The following MICAL2 variants were observed in gnomAD, a reference collection of about 807,000 sequenced individuals.
MICAL2 encodes microtubule associated monooxygenase, calponin and LIM domain containing 2, also known as [F-actin]-monooxygenase MICAL2.
A neutral mutation model predicts 127.3 loss-of-function variants in MICAL2; 77 were observed. The ratio of observed to expected loss-of-function variants is 0.60; its 90% CI spans 0.50 to 0.73. The LOEUF (loss-of-function observed/expected upper bound fraction) is 0.73, where lower values mean the gene tolerates loss of function less well. Among genes scored for constraint, MICAL2 ranks in the 30% least tolerant of loss-of-function variants. MICAL2 has a pLI of 0.00. For missense variants in MICAL2, 1,351 were observed against 1,434.4 expected (o/e 0.94, Z 0.94); for synonymous variants, 570 against 551.1 (o/e 1.03, Z -0.48).
At chr11:12,348,799 GTGA>G (rs1938997438) in intron 32 of MICAL2, among the ~76,000 whole-genome samples, 2 of 152,144 alleles carry the variant, frequency 1.3e-5, no homozygotes, top group African/African-American at 4.8e-5. Flanking sequence ...CTATCAAGTG[GTGA>G]TGATAAGTGT....
chr11:12,112,558 G>C (rs1381708955), intron 1 of MICAL2, among the ~76,000 whole-genome samples: 1 of 151,606 alleles, frequency 6.6e-6, no homozygotes, highest in African/African-American at 2.4e-5. Flanking sequence ...GGGGTGGGGG[G>C]GCAGGTGTTG....
chr11:12,330,681 C>T (rs57977681), intron 32 of MICAL2, among the ~76,000 whole-genome samples: 4,557 of 151,952 alleles, frequency 0.03, 162 homozygotes, highest in Admixed American at 0.1. Flanking sequence ...GCTCTCCCGC[C>T]CCCGGGAAGG....
chr11:12,245,576 G>A (rs922819208), intron 21 of MICAL2, among the ~76,000 whole-genome samples: 1 of 152,204 alleles, frequency 6.6e-6, no homozygotes, highest in Non-Finnish European at 1.5e-5. Flanking sequence ...ACAGAGAAAC[G>A]CTAACAGGAT....
At chr11:12,217,730 C>T (rs1856364000) in intron 8 of MICAL2, among the ~76,000 whole-genome samples, 1 of 152,142 alleles carries the variant, frequency 6.6e-6, no homozygotes, top group Non-Finnish European at 1.5e-5. Context: ...AACTCGCTTC[C>T]CTGGCGGTTG....
At chr11:12,202,367 C>T (rs941011581) in intron 3 of MICAL2, among the ~76,000 whole-genome samples, 1 of 152,202 alleles carries the variant, frequency 6.6e-6, no homozygotes, top group Non-Finnish European at 1.5e-5. Context: ...CAGCTCTCCC[C>T]CTTTCAATCT....
chr11:12,350,718 A>C (rs1702834267), intron 33 of MICAL2, among the ~76,000 whole-genome samples: 1 of 152,242 alleles, frequency 6.6e-6, no homozygotes, highest in East Asian at 1.9e-4. Flanking sequence ...ATAATGGCTT[A>C]TATGATAATG....
chr11:12,282,228 C>T (rs1399693865), intron 2 of MICAL2, among the ~76,000 whole-genome samples: 2 of 152,174 alleles, frequency 1.3e-5, no homozygotes, highest in Non-Finnish European at 2.9e-5. Context: ...GACAGATTAT[C>T]ATCCAAACAC....
chr11:12,310,717 A>C (rs1026324239), intron 29 of MICAL2, among the ~76,000 whole-genome samples: 2 of 151,738 alleles, frequency 1.3e-5, no homozygotes, highest in African/African-American at 2.4e-5. Flanking sequence ...GAAGAATGTC[A>C]TTGGTATTTT....
intron 1 of MICAL2, among the ~76,000 whole-genome samples, chr11:12,116,170 G>C (rs1050165135): frequency 2.6e-5 from 4 of 151,658 alleles, no homozygotes; most frequent in African/African-American, 9.7e-5. Flanking sequence ...AGTAGAGACG[G>C]GGTTTCACTA....
Position 12,154,120 on chromosome 11 carries a change from G to A in MICAL2, c.-77-7959G>A, listed in dbSNP as rs185961056. 4.3e-3 allele frequency among the ~76,000 whole-genome samples: 659 copies of A among 152,338 alleles called. 4 individuals are homozygous for A. The highest frequency in any genetic ancestry group is 0.015 in the African/African-American group (627 of 41,574). ...AAGGCACCTGCTGCACTGGATGCAA[G>A]GGCCCTGTAGTCCCTCGGGAGTGGA... is the stretch of plus-strand genomic sequence containing the variant. On this transcript the variant is annotated intron_variant, in intron 2 of 27. Coordinates refer to ENST00000683283, the MANE Select transcript of MICAL2 (RefSeq NM_001282663.2).
intron 24 of MICAL2, 47 bp from the exon 25 acceptor site, chr11:12,258,421 G>A: frequency 6.8e-7 from 1 of 1,480,962 alleles, no homozygotes; most frequent in Non-Finnish European, 9.4e-7. Flanking sequence ...CTTAGCTCTA[G>A]TTTACAGGAG....
At chr11:12,136,880 G>T (rs563375036) in intron 1 of MICAL2, among the ~76,000 whole-genome samples, 56 of 152,284 alleles carry the variant, frequency 3.7e-4, no homozygotes, top group African/African-American at 1.3e-3. Context: ...CCGTGTCCCT[G>T]CTGCTGGTCT....
intron 3 of MICAL2, among the ~76,000 whole-genome samples, chr11:12,189,594 A>AC (rs1385647375): frequency 6.6e-6 from 1 of 152,020 alleles, no homozygotes; most frequent in Non-Finnish European, 1.5e-5. Context: ...TTATCTCACC[A>AC]CCCCCACTAC....
At chr11:12,305,139 A>G (rs541531794) in intron 29 of MICAL2, among the ~76,000 whole-genome samples, 5 of 152,192 alleles carry the variant, frequency 3.3e-5, no homozygotes, top group African/African-American at 9.6e-5. Context: ...TAAATATACT[A>G]CCCAAGACTG....
downstream of MICAL2, among the ~76,000 whole-genome samples, chr11:12,265,799 T>C (rs551452009): frequency 3.3e-5 from 5 of 152,058 alleles, no homozygotes; most frequent in South Asian, 1.0e-3. Flanking sequence ...TCCTACTTGG[T>C]TTTTAAAGGA....
chr11:12,146,490 TG>T (rs1166863106), intron 2 of MICAL2, among the ~76,000 whole-genome samples: 2 of 152,058 alleles, frequency 1.3e-5, no homozygotes, highest in African/African-American at 4.8e-5. Flanking sequence ...ATCAGAGAAA[TG>T]GAAATCAAAG....
intron 32 of MICAL2, among the ~76,000 whole-genome samples, chr11:12,346,539 C>T (rs7124235): frequency 2.0e-5 from 3 of 152,116 alleles, no homozygotes; most frequent in African/African-American, 4.8e-5. Flanking sequence ...AACAAATGTC[C>T]GTGAATGCCT....
At chr11:12,290,808 T>A (rs528800874), downstream of MICAL2, among the ~76,000 whole-genome samples, 33 of 152,284 alleles carry the variant, frequency 2.2e-4, no homozygotes, top group African/African-American at 7.7e-4. Flanking sequence ...GTCGCACATG[T>A]TCGCATTGAT....
chr11:12,219,812 C>A (rs1856615032), intron 8 of MICAL2, among the ~76,000 whole-genome samples: 1 of 152,210 alleles, frequency 6.6e-6, no homozygotes, highest in Admixed American at 6.5e-5. Context: ...TTATCAAGTG[C>A]ACTGTTCATT....
Sources: gnomAD v4.1 joint callset for allele counts (sites outside exome capture counted in the v4.1 genomes callset) on GRCh38, gnomAD v4.1.1 for gene constraint, MANE v1.5 for transcripts, NCBI Gene and HGNC (gene_info 2026-07-23, HGNC 2026-07-21) for gene names.